Variants in MAX observed in about 807,000 individuals in gnomAD.
MAX encodes the protein protein max.
In MAX, 3 loss-of-function variants were observed where a neutral mutation model predicts 22.3. The observed-to-expected ratio is 0.13, with a 90% CI of 0.06 to 0.35. MAX has a LOEUF of 0.35. MAX is among the 10% of genes least tolerant of loss of function. The pLI, the probability that MAX is intolerant of heterozygous loss-of-function variation, is 1.00. For missense variants in MAX, 119 were observed against 209.4 expected (o/e 0.57, Z 2.66); for synonymous variants, 72 against 77.7 (o/e 0.93, Z 0.39).
At chr14:65,055,676 C>T (rs964310791) in intron 3 of MAX, among the ~76,000 whole-genome samples, 29 of 152,086 alleles carry the variant, frequency 1.9e-4, no homozygotes, top group African/African-American at 6.3e-4. Flanking sequence ...ACCACCACAC[C>T]CAGCTAATTT....
At chr14:65,057,586 TAAACA>T (rs755762379) in intron 3 of MAX, among the ~76,000 whole-genome samples, 2 of 152,184 alleles carry the variant, frequency 1.3e-5, no homozygotes, top group Non-Finnish European at 2.9e-5. Context: ...AGGCACACAT[TAAACA>T]AATACATCAC....
At position 65,014,057 on chromosome 14, in the gene MAX, C is replaced by T. The variant is rs999348902; in HGVS notation, c.172-7773G>A. On this transcript the variant is annotated intron_variant, in intron 3 of 3. Coordinates refer to the MAX transcript ENST00000341653. The surrounding 1 kb of genome is among the most constrained non-coding windows in gnomAD (Gnocchi z 5.1). Reference sequence around the variant, plus strand: ...CTTCCAGGTGGTGGGTTAGCCACAGCTTGGGATATCAGCATAGTTTTGAAG... The same window carrying T: ...CTTCCAGGTGGTGGGTTAGCCACAGTTTGGGATATCAGCATAGTTTTGAAG... Among the ~76,000 whole-genome samples, 1 of 152,166 alleles carries T rather than the reference C, an allele frequency of 6.6e-6. No individual in the cohort carries two copies. Among genetic ancestry groups the T allele is most frequent in the African/African-American group, 2.4e-5 (1 of 41,434 alleles).
At chr14:65,061,124 G>C in intron 3 of MAX, 3 of 1,600,954 alleles carry the variant, frequency 1.9e-6, no homozygotes, top group Non-Finnish European at 2.6e-6. Context: ...CAAAGGATGT[G>C]TTATGTTTTC....
At chr14:65,098,958 C>T (rs931620930) in intron 2 of MAX, among the ~76,000 whole-genome samples, 1 of 152,084 alleles carries the variant, frequency 6.6e-6, no homozygotes, top group Non-Finnish European at 1.5e-5. Context: ...TCCACAGAAC[C>T]CTTTTCAAAT....
chr14:65,058,865 T>C (rs1474133113), intron 3 of MAX, among the ~76,000 whole-genome samples: 2 of 152,232 alleles, frequency 1.3e-5, no homozygotes, highest in African/African-American at 4.8e-5. Context: ...TTTGCCAGTA[T>C]GTTTGCCTAG....
intron 3 of MAX, among the ~76,000 whole-genome samples, chr14:65,035,188 C>T (rs1021042583): frequency 7.2e-5 from 11 of 152,282 alleles, no homozygotes; most frequent in African/African-American, 1.2e-4. Flanking sequence ...GTTGGCTGCC[C>T]GCCCTGACCC....
chr14:65,057,914 T>A (rs2062775327), intron 3 of MAX, among the ~76,000 whole-genome samples: 1 of 152,206 alleles, frequency 6.6e-6, no homozygotes, highest in African/African-American at 2.4e-5. Flanking sequence ...TTTGGTCTGT[T>A]TGCCTATCTG....
chr14:65,009,465 G>A lies in MAX; in HGVS notation c.172-3181C>T, dbSNP rs2061651811. On this transcript the variant is annotated intron_variant, in intron 3 of 3. Transcript: ENST00000341653. This position sits in a 1 kb window ranked among gnomAD's most constrained non-coding sequence, Gnocchi z 4.2. ...TTGACTCCTAGTTCCTGAGAAAATCGAGGCTGACCCACCTGACTTTCCTGT... is the reference window on the plus strand; with the variant it reads ...TTGACTCCTAGTTCCTGAGAAAATCAAGGCTGACCCACCTGACTTTCCTGT... 6.6e-6 allele frequency among the ~76,000 whole-genome samples: 1 copy of A among 151,986 alleles called. No homozygotes were observed. The highest frequency in any genetic ancestry group is 6.6e-5 in the Admixed American group (1 of 15,256).
intron 3 of MAX, among the ~76,000 whole-genome samples, chr14:65,064,644 A>G (rs890584927): frequency 1.3e-5 from 2 of 152,204 alleles, no homozygotes; most frequent in Non-Finnish European, 2.9e-5. Context: ...AAGCAGTCCA[A>G]TGGCTTGGAG....
intron 3 of MAX, among the ~76,000 whole-genome samples, chr14:65,087,444 G>A (rs1199078513): frequency 6.6e-6 from 1 of 152,220 alleles, no homozygotes; most frequent in East Asian, 1.9e-4. Flanking sequence ...CACAAGGGTA[G>A]AGCTATGCAA....
intron 3 of MAX, among the ~76,000 whole-genome samples, chr14:65,081,129 T>C (rs928234470): frequency 2.0e-5 from 3 of 152,240 alleles, no homozygotes; most frequent in Non-Finnish European, 4.4e-5. Flanking sequence ...TTCAGAATGC[T>C]AAGCACAGCC....
At position 65,040,940 on chromosome 14, in the gene MAX, C is replaced by G. The variant is rs111476775; in HGVS notation, c.172-34656G>C. The G allele has an allele frequency of 2.5e-6, 4 of 1,610,568 alleles. No individual in the cohort carries two copies. In the African/African-American group the frequency reaches 4.0e-5, roughly 16 times the overall value. On this transcript the variant is annotated intron_variant, in intron 3 of 3. Transcript: ENST00000341653. ...TATTAGTAAGTATCTTTTGAGCCAT[C>G]CCCCTCTCAGGCCCCAGGTCATGGT...
chr14:65,040,936 C>T (rs45563031), intron 3 of MAX: 201,177 of 1,610,628 alleles, frequency 0.12, 14,275 homozygotes, highest in Admixed American at 0.22. Flanking sequence ...ATCTTTTGAG[C>T]CATCCCCCTC....
At chr14:65,026,476 G>C (rs1445901911) in intron 3 of MAX, among the ~76,000 whole-genome samples, 1 of 152,156 alleles carries the variant, frequency 6.6e-6, no homozygotes, top group Non-Finnish European at 1.5e-5. Flanking sequence ...AGTCAGTGCA[G>C]CTCCTCTTAT....
rs56118026 is a variant in MAX, at chr14:65,012,397, C to A, written c.172-6113G>T. Reference sequence around the variant, plus strand: ...CTGACAGATGCCTATGAGGTAAACACATTACCCAGGAACTCTTGCTGTCAA... The same window carrying A: ...CTGACAGATGCCTATGAGGTAAACAAATTACCCAGGAACTCTTGCTGTCAA... On this transcript the variant is annotated intron_variant, in intron 3 of 3. Coordinates refer to the MAX transcript ENST00000341653. The surrounding 1 kb of genome is among the most constrained non-coding windows in gnomAD (Gnocchi z 5.0). The A allele has an allele frequency of 0.013, 21,412 of 1,613,984 alleles. 211 individuals are homozygous for A. The highest frequency in any genetic ancestry group is 0.027 in the South Asian group (2,487 of 91,084).
rs368676358 is a variant in MAX at position 65,019,280 on chromosome 14, A to T, written c.172-12996T>A. On this transcript the variant is annotated intron_variant, in intron 3 of 3. Coordinates refer to the MAX transcript ENST00000341653. ...GACAGGCGGATTACTTGAGGTCAGG[A>T]GTTCGAGACCAGTCTGGCCAACATG... Among the ~76,000 whole-genome samples, 330 of 152,310 alleles carry T rather than the reference A, an allele frequency of 2.2e-3. 2 individuals carry two copies. The highest frequency in any genetic ancestry group is 7.6e-3 in the African/African-American group (314 of 41,580).
intron 3 of MAX, among the ~76,000 whole-genome samples, chr14:65,042,285 A>G (rs1003028943): frequency 6.6e-6 from 1 of 152,212 alleles, no homozygotes; most frequent in African/African-American, 2.4e-5. Context: ...ATATAATGAA[A>G]TAATTATACA....
At position 65,077,464 on chromosome 14, in the gene MAX, G is replaced by T; in HGVS notation, c.295+449C>A. 1 of 1,376,176 alleles carries T rather than the reference G, an allele frequency of 7.3e-7. No individual in the cohort carries two copies. Among genetic ancestry groups the T allele is most frequent in the Non-Finnish European group, 1.0e-6 (1 of 962,954 alleles). 85.2% of individuals were successfully genotyped at this position (1,376,176 alleles called of 1,614,324 possible). A position where few individuals can be genotyped will look rare whatever the true frequency, so the allele number is the denominator to read the frequency against. ...AGGAAAAGGCGGGTGTGAGCATTGA[G>T]AACAGCATGGGCCTAGCCCATAGGC... On this transcript the variant is annotated intron_variant, in intron 4 of 4. Transcript: ENST00000358664. The surrounding 1 kb of genome is among the most constrained non-coding windows in gnomAD (Gnocchi z 6.3).
chr14:65,006,528 C>T (rs1269848365), intron 3 of MAX, among the ~76,000 whole-genome samples: 2 of 152,172 alleles, frequency 1.3e-5, no homozygotes, highest in Admixed American at 6.5e-5. Context: ...CTGGTTCAAG[C>T]TTAGCCTCCC....
Sources: gnomAD v4.1 joint callset for allele counts (sites outside exome capture counted in the v4.1 genomes callset) on GRCh38, gnomAD v4.1.1 for gene constraint, Gnocchi (gnomAD v3.1) non-coding constraint, MANE v1.5 for transcripts, NCBI Gene and HGNC (gene_info 2026-07-23, HGNC 2026-07-21) for gene names.